SYTL5: variants seen among roughly 807,000 people sequenced by gnomAD.
SYTL5 encodes the protein synaptotagmin like 5.
SYTL5 carries 34 observed loss-of-function variants against 55.9 expected under a neutral mutation model. That is an observed-to-expected ratio of 0.61 (90% CI 0.46 to 0.81). The LOEUF is 0.81. Among genes scored for constraint, SYTL5 ranks in the 30% least tolerant of loss-of-function variants. SYTL5 has a pLI of 0.00. For synonymous variants in SYTL5, 221 were observed against 188.7 expected, an observed-to-expected ratio of 1.17 and a Z score of -1.40; for missense variants, 637 against 546.7, an observed-to-expected ratio of 1.17 and a Z score of -1.65.
intron 2 of SYTL5, among the ~76,000 whole-genome samples, chrX:38,047,915 G>A (rs1323892844): frequency 5.4e-5 from 6 of 111,328 alleles, no homozygotes; most frequent in Non-Finnish European, 7.5e-5. Context: ...GGCCAGGCAC[G>A]GTGGCTCATG....
the SYTL5 span, among the ~76,000 whole-genome samples, chrX:37,955,878 T>G: frequency 9.0e-6 from 1 of 111,383 alleles, no homozygotes; most frequent in East Asian, 2.8e-4. Flanking sequence ...AAAGTGATCA[T>G]GAGAGGAACA....
chrX:38,066,458 C>T (rs1936104055), intron 3 of SYTL5, among the ~76,000 whole-genome samples: 1 of 111,855 alleles, frequency 8.9e-6, no homozygotes. Flanking sequence ...GTATAGCCCA[C>T]TGTGATTTTA....
the SYTL5 span, among the ~76,000 whole-genome samples, chrX:37,958,357 T>C: frequency 1.8e-5 from 2 of 111,528 alleles, no homozygotes; most frequent in Non-Finnish European, 1.9e-5. Flanking sequence ...GGACATCTTA[T>C]GGCAAGAGGG....
At chrX:37,890,548 G>A in the SYTL5 span, among the ~76,000 whole-genome samples, 2 of 111,566 alleles carry the variant, frequency 1.8e-5, no homozygotes, top group South Asian at 3.8e-4. Flanking sequence ...TTATTGGGCC[G>A]CAAGGATCAG....
At chrX:37,893,588 T>TAG in the SYTL5 span, among the ~76,000 whole-genome samples, 1 of 88,699 alleles carries the variant, frequency 1.1e-5, no homozygotes, top group Admixed American at 1.4e-4. Context: ...ATATAATCTA[T>TAG]ATATTATCTA....
the SYTL5 span, among the ~76,000 whole-genome samples, chrX:37,890,352 A>G: frequency 8.9e-5 from 10 of 111,961 alleles, no homozygotes; most frequent in African/African-American, 2.9e-4. Flanking sequence ...TTATAGATTA[A>G]AAGAAGTTAA....
At chrX:38,084,452 C>T (rs1182631980) in intron 6 of SYTL5, among the ~76,000 whole-genome samples, 2 of 111,851 alleles carry the variant, frequency 1.8e-5, no homozygotes, top group Non-Finnish European at 3.8e-5. Flanking sequence ...TCTAAAAGCC[C>T]GGACTTGTGA....
At chrX:38,010,273 A>G (rs924911745) in intron 1 of SYTL5, among the ~76,000 whole-genome samples, 1 of 112,160 alleles carries the variant, frequency 8.9e-6, no homozygotes, top group Non-Finnish European at 1.9e-5. Context: ...GGGGCCTATG[A>G]GGCTAAGTGT....
At position 38,054,189 on chromosome X, in the gene SYTL5, AT is replaced by A. The variant is rs748981437; in HGVS notation, c.120-16del. 5.3e-5 allele frequency: 60 copies of A among 1,142,760 alleles called. No individual in the cohort carries two copies. Among genetic ancestry groups the A allele is most frequent in the East Asian group, 3.6e-4 (12 of 33,021 alleles). The allele number at this position is 1,142,760 out of a possible 1,213,427, so 94.2% of individuals were successfully genotyped here. ...CTGCTCCTGTTTGTTTTTTTAAGTG[AT>A]TTTTTTTCCCCTCTTCTTTCAGGAA... On this transcript the variant is annotated intron_variant, in intron 2 of 16. Coordinates refer to ENST00000297875, the MANE Select transcript of SYTL5 (RefSeq NM_138780.3).
chrX:37,997,546 G>A, the SYTL5 span, among the ~76,000 whole-genome samples: 1 of 112,745 alleles, frequency 8.9e-6, no homozygotes, highest in Non-Finnish European at 1.9e-5. Flanking sequence ...GGTCAGGTGT[G>A]CACATGCTTG....
At chrX:37,891,562 G>T in the SYTL5 span, among the ~76,000 whole-genome samples, 3 of 111,592 alleles carry the variant, frequency 2.7e-5, no homozygotes, top group Non-Finnish European at 5.7e-5. Context: ...GGTGATGGCT[G>T]TACAACTCTG....
At chrX:37,991,587 G>A in the SYTL5 span, among the ~76,000 whole-genome samples, 1 of 110,948 alleles carries the variant, frequency 9.0e-6, no homozygotes, top group Admixed American at 9.5e-5. Context: ...GGGCCTCTGA[G>A]GCTTGTTGAA....
chrX:37,995,075 G>A, the SYTL5 span, among the ~76,000 whole-genome samples: 6 of 110,131 alleles, frequency 5.4e-5, no homozygotes, highest in African/African-American at 1.3e-4. Flanking sequence ...CAGTGAGGGT[G>A]CCGGCCCTGT....
the SYTL5 span, among the ~76,000 whole-genome samples, chrX:37,968,711 G>C: frequency 1.8e-5 from 2 of 111,609 alleles, no homozygotes; most frequent in East Asian, 5.6e-4. Context: ...AGGGCAAATA[G>C]ACCTTTTAAT....
intron 1 of SYTL5, among the ~76,000 whole-genome samples, chrX:38,017,261 A>T (rs916484130): frequency 1.8e-5 from 2 of 112,008 alleles, no homozygotes; most frequent in Non-Finnish European, 3.8e-5. Context: ...TAATTCCAGG[A>T]TTTACTAATT....
At chrX:38,078,508 C>T (rs1282726870) in intron 6 of SYTL5, among the ~76,000 whole-genome samples, 1 of 110,986 alleles carries the variant, frequency 9.0e-6, no homozygotes, top group Non-Finnish European at 1.9e-5. Context: ...GATCCACCCG[C>T]CTCGGCCTCC....
chrX:38,097,687 G>T (rs778385713), intron 9 of SYTL5, among the ~76,000 whole-genome samples: 2 of 109,899 alleles, frequency 1.8e-5, no homozygotes, highest in Non-Finnish European at 3.8e-5. Flanking sequence ...GGATAATTTT[G>T]TAGAAATAGA....
In SYTL5 at chrX:38,043,661, G is replaced by GTATATATATA. The variant is rs35312093; in HGVS notation, c.119+9674_119+9683dup. The stretch of plus-strand genomic sequence containing the variant: ...CTGTAACTTTTATGTATGTATGTAT[G>GTATATATATA]TATATATATATATATATATATATAT... On this transcript the variant is annotated intron_variant, in intron 2 of 16. Transcript: ENST00000297875. Among the ~76,000 whole-genome samples the GTATATATATA allele has an allele frequency of 4.3e-3, 213 of 50,068 alleles. 6 individuals carry two copies. The highest frequency in any genetic ancestry group is 0.02 in the East Asian group (25 of 1,231). The allele number at this position is 50,068 out of a possible 115,157, so 43.5% of individuals were successfully genotyped here.
Position 38,106,624 on chromosome X carries a change from G to A in SYTL5, c.1187G>A (p.Ser396Asn). 8.3e-7 allele frequency: 1 copy of A among 1,207,147 alleles called. No homozygotes were observed. Among genetic ancestry groups the A allele is most frequent in the South Asian group, 1.8e-5 (1 of 55,446 alleles). Residue 396 changes from serine to asparagine, a missense_variant, in exon 11 of 17, where the codon AGT (serine) becomes AAT (asparagine). By Grantham distance (46) the Ser-to-Asn change is conservative. Coordinates refer to ENST00000297875, the MANE Select transcript of SYTL5 (RefSeq NM_138780.3). ...CTTAACAGCATGATGAGCGTTTACA[G>A]TGAAACGGGAGACTATGGCAACGTG... is the stretch of plus-strand genomic sequence containing the variant. ...TSLNSMMSVY[S>N]ETGDYGNVKV... is the part of the protein sequence containing the mutation.
Sources: gnomAD v4.1 joint callset for allele counts (sites outside exome capture counted in the v4.1 genomes callset) on GRCh38, gnomAD v4.1.1 for gene constraint, MANE v1.5 for transcripts, NCBI Gene and HGNC (gene_info 2026-07-23, HGNC 2026-07-21) for gene names.